SLC25A16: variants seen among roughly 807,000 people sequenced by gnomAD.
SLC25A16 encodes the protein mitochondrial coenzyme A transporter SLC25A16.
Under a neutral mutation model 41.5 loss-of-function variants are expected in SLC25A16, and 39 were observed. The observed-to-expected ratio is 0.94, with a 90% CI of 0.73 to 1.23. The LOEUF is 1.23. Among genes scored for constraint, SLC25A16 ranks in the 50% most tolerant of loss-of-function variants. SLC25A16 has a pLI of 0.00. For missense variants in SLC25A16, 421 were observed against 426.9 expected (o/e 0.99, Z 0.12); for synonymous variants, 146 against 147.8 (o/e 0.99, Z 0.09).
intron 2 of SLC25A16, among the ~76,000 whole-genome samples, chr10:68,513,711 G>A (rs927603618): frequency 5.9e-5 from 9 of 152,058 alleles, no homozygotes; most frequent in Admixed American, 1.3e-4. Flanking sequence ...CAAACACGGT[G>A]AAACCCCATC....
chr10:68,525,247 G>A (rs2053318117), intron 1 of SLC25A16, among the ~76,000 whole-genome samples: 1 of 151,944 alleles, frequency 6.6e-6, no homozygotes. Context: ...CGACTCTCCT[G>A]CCTTAAGCCT....
At position 68,485,407 on chromosome 10, in the gene SLC25A16, CAG is replaced by C. The variant is rs1021030728; in HGVS notation, c.842+1735_842+1736del. ...GTCCCAGCCCTTTTTCTTTTTTAGA[CAG>C]AGTCTCGCTCTGTCGCCCAGGCTGG... On this transcript the variant is annotated intron_variant, in intron 8 of 8. Transcript: ENST00000609923. Among the ~76,000 whole-genome samples, 6 of 150,178 alleles carry C rather than the reference CAG, an allele frequency of 4.0e-5. No individual in the cohort carries two copies. In the South Asian group the frequency reaches 6.3e-4, roughly 16 times the overall value.
In SLC25A16 at chr10:68,483,277, T is replaced by C. The variant is rs996293724; in HGVS notation, c.*155A>G. ...AAAAAGTATGGTAAGCAGTTCTGAT[T>C]TGTGACTAAAGAAAAAATAATCAAG... is the stretch of plus-strand genomic sequence containing the variant. On this transcript the variant is annotated 3_prime_UTR_variant, in exon 9 of 9. Coordinates refer to ENST00000609923, the MANE Select transcript of SLC25A16 (RefSeq NM_152707.4). 1 of 565,844 alleles carries C rather than the reference T, an allele frequency of 1.8e-6. No homozygotes were observed. Among genetic ancestry groups the C allele is most frequent in the Admixed American group, 3.2e-5 (1 of 31,030 alleles). The allele number at this position is 565,844 out of a possible 1,614,324, so 35.1% of individuals were successfully genotyped here.
chr10:68,508,215 AAAAC>A (rs1029248591), intron 2 of SLC25A16, among the ~76,000 whole-genome samples: 6 of 152,092 alleles, frequency 3.9e-5, no homozygotes, highest in Admixed American at 2.6e-4. Context: ...CCATCTCAAA[AAAAC>A]AAACAAAAAG....
At position 68,486,240 on chromosome 10, in the gene SLC25A16, A is replaced by AAAAAAAAAAAAAAC. The variant is rs1564908736; in HGVS notation, c.842+903_842+904insGTTTTTTTTTTTTT. Among the ~76,000 whole-genome samples the AAAAAAAAAAAAAAC allele has an allele frequency of 4.6e-4, 68 of 146,808 alleles. 1 individual carries two copies. The highest frequency in any genetic ancestry group is 1.7e-3 in the African/African-American group (66 of 37,748). Reference sequence around the variant, plus strand: ...TCTCAAAAAAACAAAACAAAAAAAAAAAAAAAACACAACCTCTAAAATAAT... The same window carrying AAAAAAAAAAAAAAC: ...TCTCAAAAAAACAAAACAAAAAAAAAAAAAAAAAAAAAACAAAAAAACACAACCTCTAAAATAAT... On this transcript the variant is annotated intron_variant, in intron 8 of 8. Coordinates refer to ENST00000609923, the MANE Select transcript of SLC25A16 (RefSeq NM_152707.4).
chr10:68,485,735 C>T (rs1345621785), intron 8 of SLC25A16, among the ~76,000 whole-genome samples: 2 of 151,248 alleles, frequency 1.3e-5, no homozygotes, highest in Non-Finnish European at 2.9e-5. Flanking sequence ...AGTACAGTGG[C>T]GCCATCTCAG....
intron 6 of SLC25A16, among the ~76,000 whole-genome samples, chr10:68,489,846 A>C (rs1233387738): frequency 6.7e-6 from 1 of 149,724 alleles, no homozygotes; most frequent in Non-Finnish European, 1.5e-5. Context: ...GGATGCAGTG[A>C]TCTGAGATGG....
chr10:68,495,521 C>A (rs191895193), intron 4 of SLC25A16, among the ~76,000 whole-genome samples: 1 of 151,952 alleles, frequency 6.6e-6, no homozygotes, highest in Non-Finnish European at 1.5e-5. Flanking sequence ...CAGTGGCTCA[C>A]GCCTGTAATC....
At chr10:68,512,217 A>G (rs530971819) in intron 2 of SLC25A16, among the ~76,000 whole-genome samples, 2 of 145,068 alleles carry the variant, frequency 1.4e-5, no homozygotes, top group South Asian at 2.1e-4. Context: ...GCTTGAGCCC[A>G]AAAGTTTGAG....
intron 8 of SLC25A16, 70 bp downstream of exon 8, chr10:68,487,074 T>G: frequency 8.5e-7 from 1 of 1,170,388 alleles, no homozygotes; most frequent in Non-Finnish European, 1.3e-6. Flanking sequence ...CAAACTAGAG[T>G]CCTATCTCCT....
chr10:68,499,340 C>T (rs1044458957), intron 4 of SLC25A16, among the ~76,000 whole-genome samples: 2 of 152,234 alleles, frequency 1.3e-5, no homozygotes, highest in African/African-American at 4.8e-5. Context: ...CAGCTCATCA[C>T]TTCTAGGTTC....
chr10:68,493,219 G>T (rs200076689), intron 5 of SLC25A16, 21 bp from the exon 6 acceptor site: 1 of 1,510,566 alleles, frequency 6.6e-7, no homozygotes, highest in Non-Finnish European at 9.1e-7. Flanking sequence ...AAGGAAAATT[G>T]CAAGTGAGAT....
At position 68,521,877 on chromosome 10, in the gene SLC25A16, G is replaced by A. The variant is rs2053256486; in HGVS notation, c.131-5034C>T. ...CTCCCAAAGTGCTGGGATTACAGGC[G>A]TGAGCCACCGCGCCCGGCCATGCCT... On this transcript the variant is annotated intron_variant, in intron 1 of 8. Transcript: ENST00000609923. Among the ~76,000 whole-genome samples the A allele has an allele frequency of 2.0e-5, 3 of 151,606 alleles. No individual in the cohort carries two copies. The South Asian group carries it at 6.2e-4, about 31-fold the overall frequency.
chr10:68,517,072 G>A lies in SLC25A16; in HGVS notation c.131-229C>T, dbSNP rs375629686. 6.7e-4 allele frequency: 807 copies of A among 1,211,566 alleles called. 16 individuals carry two copies. In the South Asian group the frequency reaches 0.02, roughly 30 times the overall value. The allele number at this position is 1,211,566 out of a possible 1,614,324, so 75.1% of individuals were successfully genotyped here. On this transcript the variant is annotated intron_variant, in intron 1 of 8. Transcript: ENST00000609923. ...AAAACAAATTTTAGTAGTGTAAATC[G>A]TCATCTAATACCTGAGGAAGGCTGG...
rs1002964867 is a variant in SLC25A16, at chr10:68,482,407, C to T, written c.*1025G>A. 2.0e-5 allele frequency: 3 copies of T among 152,500 alleles called. No individual in the cohort carries two copies. 9.4% of individuals were successfully genotyped at this position (152,500 alleles called of 1,614,324 possible). A position where few individuals can be genotyped will look rare whatever the true frequency, so the allele number is the denominator to read the frequency against. Reference sequence around the variant, plus strand: ...GGATAACAATTCAAATCATATTTTACATTTCTACGTCTTCATATTGCACTA... The same window carrying T: ...GGATAACAATTCAAATCATATTTTATATTTCTACGTCTTCATATTGCACTA... On this transcript the variant is annotated 3_prime_UTR_variant, in exon 9 of 9. Coordinates refer to ENST00000609923, the MANE Select transcript of SLC25A16 (RefSeq NM_152707.4).
intron 2 of SLC25A16, among the ~76,000 whole-genome samples, chr10:68,509,764 T>TATAG (rs1017604752): frequency 2.0e-5 from 3 of 148,622 alleles, no homozygotes; most frequent in East Asian, 3.9e-4. Context: ...GATATATAGA[T>TATAG]ATAGATAGAT....
chr10:68,527,160 G>A, intron 1 of SLC25A16, 86 bp downstream of exon 1: 1 of 1,403,756 alleles, frequency 7.1e-7, no homozygotes, highest in East Asian at 2.6e-5. Context: ...GTCCAGGAAT[G>A]TCATAGAGGC....
intron 2 of SLC25A16, 98 bp from the exon 3 acceptor site, chr10:68,506,816 G>A (rs1392334757): frequency 4.3e-6 from 3 of 700,676 alleles, no homozygotes; most frequent in Admixed American, 3.8e-5. Flanking sequence ...CATCACTCAA[G>A]ATATAATTTT....
At chr10:68,511,961 A>G (rs2053071233) in intron 2 of SLC25A16, among the ~76,000 whole-genome samples, 1 of 152,034 alleles carries the variant, frequency 6.6e-6, no homozygotes, top group South Asian at 2.1e-4. Context: ...GGTTCAAGCA[A>G]TTCTCCTGCC....
Sources: allele counts gnomAD v4.1 joint callset (sites outside exome capture counted in the v4.1 genomes callset), GRCh38; gene constraint gnomAD v4.1.1; transcripts MANE v1.5; gene names NCBI Gene and HGNC (gene_info 2026-07-23, HGNC 2026-07-21).